The following SASH1 variants were observed in gnomAD, a reference collection of about 807,000 sequenced individuals.
The protein encoded by SASH1 is SAM and SH3 domain containing 1.
A neutral mutation model predicts 125.2 loss-of-function variants in SASH1; 44 were observed. The observed-to-expected ratio is 0.35, with a 90% confidence interval of 0.28 to 0.45. SASH1 has a LOEUF of 0.45. SASH1 is among the 20% of genes least tolerant of loss of function. SASH1 has a pLI of 1.00. For synonymous variants in SASH1, 639 were observed against 649.1 expected, an observed-to-expected ratio of 0.98 and a Z score of 0.24; for missense variants, 1,426 against 1,614.5, an observed-to-expected ratio of 0.88 and a Z score of 2.00.
chr6:148,227,002 G>A, the SASH1 span, among the ~76,000 whole-genome samples: 3 of 152,296 alleles, frequency 2.0e-5, no homozygotes, highest in South Asian at 2.1e-4. Flanking sequence ...GATGAGCAGG[G>A]AAACTTGGAG....
intron 4 of SASH1, among the ~76,000 whole-genome samples, chr6:148,452,713 C>T (rs1036325186): frequency 5.3e-5 from 8 of 152,198 alleles, no homozygotes. Flanking sequence ...CCCCTCACCC[C>T]CTCTGTAATG....
chr6:148,449,394 T>C (rs1464814719), intron 4 of SASH1, among the ~76,000 whole-genome samples: 2 of 150,226 alleles, frequency 1.3e-5, no homozygotes, highest in East Asian at 3.9e-4. Flanking sequence ...TCTTTCTTTT[T>C]TTTTTTTTCT....
chr6:148,492,024 T>C (rs966183686), intron 8 of SASH1, among the ~76,000 whole-genome samples: 2 of 152,152 alleles, frequency 1.3e-5, no homozygotes, highest in African/African-American at 4.8e-5. Context: ...CAAACCCAAC[T>C]TGGGGGAGAA....
chr6:148,543,729 C>T lies in SASH1; in HGVS notation c.2259C>T (p.Pro753=), dbSNP rs1299400960. 1.9e-6 allele frequency: 3 copies of T among 1,586,892 alleles called. No individual in the cohort carries two copies. Among genetic ancestry groups the T allele is most frequent in the Non-Finnish European group, 2.6e-6 (3 of 1,163,196 alleles). The part of the protein sequence containing the change: ...SLLSAKSSTE[P]SLKSFSRNQL... ...TATCTGCCAAGTCATCCACCGAGCC[C>T]AGCTTGAAGTCTTTTAGCAGAAACC... The change falls in exon 18 of 20, where the codon CCC becomes CCT. Residue 753 remains proline (P), a synonymous_variant. Transcript: ENST00000367467.
At chr6:148,225,511 G>A in the SASH1 span, among the ~76,000 whole-genome samples, 9 of 152,162 alleles carry the variant, frequency 5.9e-5, no homozygotes, top group African/African-American at 9.7e-5. Context: ...TTATAAGTGG[G>A]AGCTAAGCTA....
rs549997697 is a variant in SASH1, at chr6:148,485,034, C to T, written c.628-2580C>T. ...CAGAAGAGCACACATAGTTTTAGGC[C>T]CCAAAGTAGATAGCAGAGATGAGCA... is the stretch of plus-strand genomic sequence containing the variant. On this transcript the variant is annotated intron_variant, in intron 7 of 19. Coordinates refer to ENST00000367467, the MANE Select transcript of SASH1 (RefSeq NM_015278.5). Among the ~76,000 whole-genome samples the T allele has an allele frequency of 1.1e-4, 17 of 151,836 alleles. No homozygotes were observed. The South Asian group carries it at 3.1e-3, about 28-fold the overall frequency.
upstream of SASH1, among the ~76,000 whole-genome samples, chr6:148,269,276 A>G (rs1779007181): frequency 6.6e-6 from 1 of 151,938 alleles, no homozygotes; most frequent in Admixed American, 6.6e-5. Flanking sequence ...CTCCCTCTCA[A>G]TTGGTTTTTG....
rs73587704 is a variant in SASH1, at chr6:148,478,911, C to T, written c.627+4689C>T. On this transcript the variant is annotated intron_variant, in intron 7 of 19. Transcript: ENST00000367467. The stretch of plus-strand genomic sequence containing the variant: ...CATTACATTCCTTGGGCATGCCATA[C>T]ATTTGGGAAAAGTTAAATTGAATTT... The T allele has an allele frequency of 4.8e-3, 859 of 179,852 alleles. 7 individuals are homozygous for T. The highest frequency in any genetic ancestry group is 0.02 in the African/African-American group (828 of 41,932). The allele number at this position is 179,852 out of a possible 1,614,324, so 11.1% of individuals were successfully genotyped here.
chr6:148,302,273 C>G (rs1432117525), intron 1 of SASH1, among the ~76,000 whole-genome samples: 4 of 133,314 alleles, frequency 3.0e-5, no homozygotes, highest in Admixed American at 1.7e-4. Flanking sequence ...GATCCCGCCA[C>G]TGCACTCCAG....
At chr6:148,349,503 A>T (rs2493916) in intron 1 of SASH1, among the ~76,000 whole-genome samples, 34,783 of 151,936 alleles carry the variant, frequency 0.23, 4,342 homozygotes, top group East Asian at 0.28. Context: ...ACCTAAGGTG[A>T]TCTGCCTGCC....
chr6:148,277,595 T>G (rs1283464756), intron 1 of SASH1, among the ~76,000 whole-genome samples: 2 of 152,250 alleles, frequency 1.3e-5, no homozygotes, highest in Non-Finnish European at 2.9e-5. Context: ...TCCGAAAGTT[T>G]GCAGACATTA....
At chr6:148,417,985 T>C (rs1004566963) in intron 2 of SASH1, among the ~76,000 whole-genome samples, 1 of 152,146 alleles carries the variant, frequency 6.6e-6, no homozygotes, top group Non-Finnish European at 1.5e-5. Context: ...GCACATGTAC[T>C]CAATTTATAG....
rs77894215 is a variant in SASH1 at position 148,459,153 on chromosome 6, T to C, written c.387-9392T>C. Among the ~76,000 whole-genome samples the C allele has an allele frequency of 9.8e-4, 149 of 152,276 alleles. 1 individual carries two copies. In the East Asian group the frequency reaches 0.027, roughly 28 times the overall value. On this transcript the variant is annotated intron_variant, in intron 4 of 19. Coordinates refer to ENST00000367467, the MANE Select transcript of SASH1 (RefSeq NM_015278.5). The stretch of plus-strand genomic sequence containing the variant: ...TCAATAGTGTTGTTAGTATCAAAGC[T>C]GGCATTCATGGAGCAATTTTATCTC...
chr6:148,388,211 G>A (rs566381405), intron 1 of SASH1, among the ~76,000 whole-genome samples: 4 of 152,216 alleles, frequency 2.6e-5, no homozygotes, highest in South Asian at 2.1e-4. Flanking sequence ...CCCTGCGCCC[G>A]GCCCAGGTTC....
intron 1 of SASH1, among the ~76,000 whole-genome samples, chr6:148,349,661 C>T (rs1781651748): frequency 6.6e-6 from 1 of 152,100 alleles, no homozygotes; most frequent in African/African-American, 2.4e-5. Flanking sequence ...AGAGCCCCAA[C>T]CAGATGTTTC....
chr6:148,362,141 A>G (rs1022026346), intron 1 of SASH1, among the ~76,000 whole-genome samples: 3 of 151,150 alleles, frequency 2.0e-5, no homozygotes, highest in African/African-American at 7.3e-5. Context: ...GTTAGCCAGG[A>G]TGGTCTCGAT....
At chr6:148,196,865 T>C in the SASH1 span, among the ~76,000 whole-genome samples, 1 of 151,976 alleles carries the variant, frequency 6.6e-6, no homozygotes, top group Admixed American at 6.6e-5. Flanking sequence ...TGGAAATTGA[T>C]GGATAGAATT....
rs62432290 is a variant in SASH1, at chr6:148,435,671, A to G, written c.286-4513A>G. ...CTTAACTTAGAAATGGTGATATTTC[A>G]TGATTTGATGTCTGGGATTTTCTTC... On this transcript the variant is annotated intron_variant, in intron 2 of 19. Transcript: ENST00000367467. Among the ~76,000 whole-genome samples the G allele has an allele frequency of 8.8e-3, 1,340 of 152,236 alleles. 6 individuals carry two copies. The highest frequency in any genetic ancestry group is 0.017 in the Admixed American group (257 of 15,298).
At chr6:148,486,497 C>T (rs1025627498) in intron 7 of SASH1, among the ~76,000 whole-genome samples, 1 of 152,112 alleles carries the variant, frequency 6.6e-6, no homozygotes, top group African/African-American at 2.4e-5. Context: ...CTTTTAATAT[C>T]TCTAAGATCT....
Sources: allele counts gnomAD v4.1 joint callset (sites outside exome capture counted in the v4.1 genomes callset), GRCh38; gene constraint gnomAD v4.1.1; transcripts MANE v1.5; gene names NCBI Gene and HGNC (gene_info 2026-07-23, HGNC 2026-07-21).